The following LAMA3 variants were observed in gnomAD, a reference collection of about 807,000 sequenced individuals.
The protein encoded by LAMA3 is laminin subunit alpha-3.
LAMA3 carries 281 observed loss-of-function variants against 402.0 expected under a neutral mutation model. The observed-to-expected ratio is 0.70, with a 90% CI of 0.63 to 0.77. LAMA3 has a LOEUF of 0.77. LAMA3 is among the 30% of genes least tolerant of loss of function. The pLI, the probability that LAMA3 is intolerant of heterozygous loss-of-function variation, is 0.00. For missense variants in LAMA3, 3,840 were observed against 4,215.5 expected (o/e 0.91, Z 2.47); for synonymous variants, 1,431 against 1,558.4 (o/e 0.92, Z 1.93).
At chr18:23,868,634 C>T (rs563071181) in intron 37 of LAMA3, among the ~76,000 whole-genome samples, 1 of 152,262 alleles carries the variant, frequency 6.6e-6, no homozygotes, top group South Asian at 2.1e-4. Flanking sequence ...AAACAAAAAA[C>T]CTGTGAGCTT....
chr18:23,849,153 C>G (rs1204105594), intron 32 of LAMA3, among the ~76,000 whole-genome samples: 6 of 152,198 alleles, frequency 3.9e-5, no homozygotes, highest in African/African-American at 1.4e-4. Context: ...AGAACTTGGA[C>G]AGATCTTTTG....
chr18:23,899,175 G>T, intron 46 of LAMA3, 110 bp downstream of exon 46: 1 of 1,272,328 alleles, frequency 7.9e-7, no homozygotes, highest in South Asian at 1.3e-5. Flanking sequence ...ATCCCATAGT[G>T]ATACTAAAAA....
At chr18:23,916,772 T>C in intron 60 of LAMA3, 77 bp downstream of exon 60, 2 of 1,378,390 alleles carry the variant, frequency 1.5e-6, no homozygotes, top group South Asian at 1.2e-5. Flanking sequence ...TGGGTTGTTA[T>C]AAATGACCCA....
chr18:23,932,355 T>G (rs949256682), intron 66 of LAMA3, 64 bp downstream of exon 66: 2 of 1,571,402 alleles, frequency 1.3e-6, no homozygotes, highest in African/African-American at 2.7e-5. Context: ...GGGTATCTCT[T>G]TGGTCCAGTT....
intron 8 of LAMA3, among the ~76,000 whole-genome samples, chr18:23,772,212 T>G (rs2062214508): frequency 6.6e-6 from 1 of 152,170 alleles, no homozygotes; most frequent in African/African-American, 2.4e-5. Context: ...CGGCTAATTT[T>G]TATATTTTTA....
chr18:23,718,343 G>A (rs770262911), intron 2 of LAMA3, among the ~76,000 whole-genome samples: 19 of 152,138 alleles, frequency 1.2e-4, no homozygotes, highest in Non-Finnish European at 2.5e-4. Context: ...TGGGTGCGGA[G>A]GGAGTTCCTA....
chr18:23,815,466 A>T lies in LAMA3; in HGVS notation c.1942-2A>T. 6.2e-7 allele frequency: 1 copy of T among 1,610,898 alleles called. No homozygotes were observed. Among genetic ancestry groups the T allele is most frequent in the South Asian group, 1.1e-5 (1 of 91,014 alleles). Reference sequence around the variant, plus strand: ...GTTGTCATCTGGCTCACTGTTCTGCAGGGAGATGGTGACTGTCACTGCAAG... The same window carrying T: ...GTTGTCATCTGGCTCACTGTTCTGCTGGGAGATGGTGACTGTCACTGCAAG... On this transcript the variant is annotated splice_acceptor_variant, in intron 16 of 74. Transcript: ENST00000313654. LOFTEE classifies it high-confidence loss of function.
Position 23,842,388 on chromosome 18 carries a change from C to A in LAMA3, c.3337-7C>A. ...TAATTTTTTTTCCTCCTCTTTTTTC[C>A]TCTTAGAATCAAGTGACCCTGAGAG... On this transcript the variant is annotated splice_polypyrimidine_tract_variant and splice_region_variant and intron_variant, in intron 27 of 74. Coordinates refer to ENST00000313654, the MANE Select transcript of LAMA3 (RefSeq NM_198129.4). The A allele has an allele frequency of 1.2e-6, 2 of 1,613,774 alleles. No homozygotes were observed. Among genetic ancestry groups the A allele is most frequent in the South Asian group, 2.2e-5 (2 of 91,070 alleles).
chr18:23,780,504 T>C (rs1031710313), intron 11 of LAMA3, among the ~76,000 whole-genome samples: 42 of 151,668 alleles, frequency 2.8e-4, no homozygotes, highest in Non-Finnish European at 5.4e-4. Context: ...AGAGAGGGGA[T>C]GGCAGACAGG....
chr18:23,815,378 C>G, intron 16 of LAMA3, 90 bp from the exon 17 acceptor site: 1 of 1,365,596 alleles, frequency 7.3e-7, no homozygotes, highest in South Asian at 1.2e-5. Context: ...TACACTGCTT[C>G]CTATTATACA....
At chr18:23,734,716 C>G (rs1327442235) in intron 2 of LAMA3, among the ~76,000 whole-genome samples, 1 of 152,242 alleles carries the variant, frequency 6.6e-6, no homozygotes, top group African/African-American at 2.4e-5. Context: ...CGTGGCCATC[C>G]TTAGGCCTTT....
rs2083047295 is a variant in LAMA3 at position 23,954,563 on chromosome 18, T to G, written c.9917T>G (p.Ile3306Ser). ...TCATTCTTTGGCTGTCTGAGGAATA[T>G]TCATGTCAATCACATCCCTGTCCCT... The part of the protein sequence containing the change: ...WKSFFGCLRN[I>S]HVNHIPVPVT... Residue 3306 changes from isoleucine (I) to serine (S), a missense_variant, in exon 75 of 75, where the codon ATT becomes AGT. By Grantham distance (142) the Ile-to-Ser change is moderately radical (BLOSUM62 -2). This residue lies in a region of LAMA3 where 840 missense variants were observed against 981.9 expected (regional missense o/e 0.86). Coordinates refer to ENST00000313654, the MANE Select transcript of LAMA3 (RefSeq NM_198129.4). The G allele has an allele frequency of 6.2e-7, 1 of 1,613,996 alleles. No homozygotes were observed. The highest frequency in any genetic ancestry group is 8.5e-7 in the Non-Finnish European group (1 of 1,179,892).
intron 12 of LAMA3, among the ~76,000 whole-genome samples, chr18:23,802,175 A>C (rs974965904): frequency 6.6e-6 from 1 of 152,354 alleles, no homozygotes; most frequent in Middle Eastern, 3.4e-3. Context: ...CAAATTTGAG[A>C]TGCCCAATCA....
intron 32 of LAMA3, among the ~76,000 whole-genome samples, chr18:23,851,516 G>T (rs1026208235): frequency 5.9e-5 from 9 of 152,152 alleles, no homozygotes; most frequent in Non-Finnish European, 4.4e-5. Context: ...ACCTTTAGAG[G>T]GTTAAATATC....
chr18:23,872,880 C>G (rs951462250), intron 38 of LAMA3: 1 of 730,772 alleles, frequency 1.4e-6, no homozygotes, highest in East Asian at 2.7e-5. Flanking sequence ...CTGTTATGTG[C>G]GCTCTGGCAC....
At chr18:23,741,937 C>T (rs758764530) in intron 2 of LAMA3, among the ~76,000 whole-genome samples, 34 of 151,962 alleles carry the variant, frequency 2.2e-4, no homozygotes, top group Non-Finnish European at 4.3e-4. Flanking sequence ...GCCTGACCAA[C>T]GTGGAGAAAA....
intron 32 of LAMA3, among the ~76,000 whole-genome samples, chr18:23,856,977 A>T (rs902358466): frequency 6.6e-6 from 1 of 152,126 alleles, no homozygotes; most frequent in African/African-American, 2.4e-5. Context: ...ACACAAGTCC[A>T]ACCACACCCT....
chr18:23,933,939 A>G lies in LAMA3; in HGVS notation c.8862+4A>G. On this transcript the variant is annotated splice_donor_region_variant and intron_variant, in intron 67 of 74. Coordinates refer to ENST00000313654, the MANE Select transcript of LAMA3 (RefSeq NM_198129.4). ...CAAGACTTTTCGTATCAACCAGGTAAGTGTCCAAACCTAACCCTGGGTTTC... is the reference window on the plus strand; with the variant it reads ...CAAGACTTTTCGTATCAACCAGGTAGGTGTCCAAACCTAACCCTGGGTTTC... The G allele has an allele frequency of 6.2e-7, 1 of 1,613,962 alleles. No homozygotes were observed. Among genetic ancestry groups the G allele is most frequent in the Non-Finnish European group, 8.5e-7 (1 of 1,179,902 alleles).
rs145931985 is a variant in LAMA3, at chr18:23,804,308, A to T, written c.1604-6058A>T. Among the ~76,000 whole-genome samples the T allele has an allele frequency of 1.4e-4, 22 of 152,334 alleles. 1 individual carries two copies. In the East Asian group the frequency reaches 4.1e-3, roughly 28 times the overall value. On this transcript the variant is annotated intron_variant, in intron 12 of 74. Transcript: ENST00000313654. ...AAAGCACCATTAGATCTGCTCAGTC[A>T]TATGCTTTAAGTGGCAGAACAGCTT...
Sources: gnomAD v4.1 joint callset for allele counts (sites outside exome capture counted in the v4.1 genomes callset) on GRCh38, gnomAD v4.1.1 for gene constraint, gnomAD v4.1.1 regional missense constraint, MANE v1.5 for transcripts, NCBI Gene and HGNC (gene_info 2026-07-23, HGNC 2026-07-21) for gene names.